Variants in GDAP2 observed in about 807,000 individuals in gnomAD.
GDAP2 encodes ganglioside induced differentiation associated protein 2, also known as ganglioside-induced differentiation-associated protein 2.
In GDAP2, 51 loss-of-function variants were observed where a neutral mutation model predicts 67.0. The observed-to-expected ratio is 0.76, with a 90% CI of 0.61 to 0.96. The LOEUF (loss-of-function observed/expected upper bound fraction) is 0.96. Among genes scored for constraint, GDAP2 ranks in the 40% least tolerant of loss-of-function variants. GDAP2 has a pLI of 0.00. For synonymous variants in GDAP2, 203 were observed against 207.3 expected (o/e 0.98, Z 0.18); for missense variants, 547 against 588.3 (o/e 0.93, Z 0.73).
chr1:117,920,609 T>C (rs1018975443), intron 1 of GDAP2, among the ~76,000 whole-genome samples, 185 bp from the exon 2 acceptor site: 2 of 152,022 alleles, frequency 1.3e-5, no homozygotes, highest in African/African-American at 4.8e-5. Context: ...TAAAACAGGA[T>C]TAAAGAGTGA....
In GDAP2 at chr1:117,878,017, C is replaced by G; in HGVS notation, c.1438G>C (p.Asp480His). 1 of 1,612,942 alleles carries G rather than the reference C, an allele frequency of 6.2e-7. No homozygotes were observed. The change falls in exon 13 of 14, where the codon GAT (aspartate) becomes CAT (histidine). Residue 480 changes from aspartate to histidine, a missense_variant. Physicochemically the swap from Asp to His is moderately conservative, Grantham distance 81 (BLOSUM62 -1). Transcript: ENST00000369443. ...IDFPPFVLEY[D>H]ARENGPYYTS... ...CTTCTGGTACTTCTTACCCTGGCAT[C>G]ATATTCAAGGACAAAAGGAGGAAAG...
At chr1:117,880,591 C>T (rs200577983) in intron 12 of GDAP2, among the ~76,000 whole-genome samples, 54 of 152,168 alleles carry the variant, frequency 3.5e-4, no homozygotes, top group African/African-American at 1.1e-3. Context: ...TCCAGCAAAG[C>T]GGGAGAGGAG....
intron 5 of GDAP2, among the ~76,000 whole-genome samples, chr1:117,910,875 A>G (rs575734478): frequency 1.6e-4 from 24 of 152,302 alleles, no homozygotes; most frequent in Middle Eastern, 3.4e-3. Flanking sequence ...CTTATCTACA[A>G]TCCTGATGAG....
chr1:117,903,193 T>G (rs1244769240), intron 6 of GDAP2, among the ~76,000 whole-genome samples: 1 of 152,136 alleles, frequency 6.6e-6, no homozygotes, highest in Admixed American at 6.5e-5. Context: ...CTCTTTAGGA[T>G]TTTTGATAAG....
intron 1 of GDAP2, among the ~76,000 whole-genome samples, chr1:117,923,809 A>T (rs916278974): frequency 1.3e-5 from 2 of 152,222 alleles, no homozygotes; most frequent in African/African-American, 4.8e-5. Context: ...ATATACTCAT[A>T]TAGCCTTTTC....
intron 5 of GDAP2, among the ~76,000 whole-genome samples, chr1:117,908,580 T>G (rs1216908178): frequency 6.6e-6 from 1 of 152,152 alleles, no homozygotes; most frequent in African/African-American, 2.4e-5. Context: ...CCCAGCACTT[T>G]GGGAGGTGAG....
At chr1:117,888,688 A>G (rs1203687408) in intron 8 of GDAP2, among the ~76,000 whole-genome samples, 2 of 152,148 alleles carry the variant, frequency 1.3e-5, no homozygotes, top group Non-Finnish European at 2.9e-5. Flanking sequence ...TCTAAATCAT[A>G]TATGGCAATA....
At chr1:117,878,827 A>T (rs1216340368) in intron 12 of GDAP2, among the ~76,000 whole-genome samples, 1 of 152,226 alleles carries the variant, frequency 6.6e-6, no homozygotes, top group Admixed American at 6.5e-5. Context: ...TGAATTTAAA[A>T]ATTACTGTTT....
At chr1:117,882,292 ATC>A (rs1008769319) in intron 11 of GDAP2, among the ~76,000 whole-genome samples, 2 of 152,124 alleles carry the variant, frequency 1.3e-5, no homozygotes, top group African/African-American at 4.8e-5. Context: ...TGTTGTAACA[ATC>A]TGTTATAATA....
chr1:117,920,269 G>C lies in GDAP2; in HGVS notation c.89C>G (p.Ser30Cys). Residue 30 changes from serine (S) to cysteine (C), a missense_variant, in exon 2 of 14, where the codon TCT becomes TGT. Coordinates refer to ENST00000369443, the MANE Select transcript of GDAP2 (RefSeq NM_017686.4). ...CTGAAATATTTCAGCTGTAGTATCA[G>C]AGGAATTTAATTCATCTTGGCATGA... is the stretch of plus-strand genomic sequence containing the variant. ...GDSCQDELNS[S>C]DTTAEIFQED... 6.2e-7 allele frequency: 1 copy of C among 1,607,324 alleles called. No individual in the cohort carries two copies. Among genetic ancestry groups the C allele is most frequent in the Non-Finnish European group, 8.5e-7 (1 of 1,174,040 alleles).
chr1:117,917,160 C>A (rs1650077668), intron 3 of GDAP2, among the ~76,000 whole-genome samples: 1 of 151,970 alleles, frequency 6.6e-6, no homozygotes, highest in South Asian at 2.1e-4. Flanking sequence ...CTTTAATATT[C>A]ATCTCTGTTA....
chr1:117,914,213 G>A (rs1649966317), intron 3 of GDAP2, among the ~76,000 whole-genome samples: 1 of 152,022 alleles, frequency 6.6e-6, no homozygotes, highest in African/African-American at 2.4e-5. Context: ...TAAAAGGGGA[G>A]ACTAAACACA....
chr1:117,896,764 T>A, intron 8 of GDAP2, 69 bp downstream of exon 8: 3 of 1,008,934 alleles, frequency 3.0e-6, no homozygotes, highest in South Asian at 3.4e-5. Flanking sequence ...AGCTCATGCA[T>A]CAGATGCAAG....
At chr1:117,912,177 C>A in intron 4 of GDAP2, 95 bp from the exon 5 acceptor site, 1 of 747,142 alleles carries the variant, frequency 1.3e-6, no homozygotes, top group Non-Finnish European at 2.4e-6. Context: ...CTCAACTTCT[C>A]CTTTCCTCCC....
chr1:117,917,763 G>A (rs1650100256), intron 3 of GDAP2, among the ~76,000 whole-genome samples: 1 of 152,146 alleles, frequency 6.6e-6, no homozygotes, highest in Non-Finnish European at 1.5e-5. Flanking sequence ...GCTCTTATGT[G>A]TATGTAAGCA....
intron 12 of GDAP2, among the ~76,000 whole-genome samples, chr1:117,878,444 T>C (rs1390786444): frequency 2.0e-5 from 3 of 152,200 alleles, no homozygotes; most frequent in Non-Finnish European, 4.4e-5. Flanking sequence ...AGTGTGTTAG[T>C]GCTGTACTAC....
Position 117,899,158 on chromosome 1 carries a change from C to A in GDAP2, c.695G>T (p.Arg232Leu), listed in dbSNP as rs1253372023. Reference sequence around the variant, plus strand: ...ATCTGCAGGTAGGTAGGGCAATGATCGATTCTCCTCTTTTAATGACCTTGG... The same window carrying A: ...ATCTGCAGGTAGGTAGGGCAATGATAGATTCTCCTCTTTTAATGACCTTGG... ...YFPRSLKEEN[R>L]SLPYLPADIG... Residue 232 changes from arginine to leucine, a missense_variant, in exon 7 of 14, where the codon CGA becomes CTA. Transcript: ENST00000369443. 2 of 1,610,538 alleles carry A rather than the reference C, an allele frequency of 1.2e-6. No homozygotes were observed. The highest frequency in any genetic ancestry group is 1.7e-6 in the Non-Finnish European group (2 of 1,176,838).
At chr1:117,890,356 C>T (rs1340545883) in intron 8 of GDAP2, among the ~76,000 whole-genome samples, 1 of 152,060 alleles carries the variant, frequency 6.6e-6, no homozygotes, top group Non-Finnish European at 1.5e-5. Context: ...GACAATATGT[C>T]ATATTTGTCT....
intron 13 of GDAP2, among the ~76,000 whole-genome samples, chr1:117,871,852 A>C (rs896252835): frequency 6.6e-6 from 1 of 152,202 alleles, no homozygotes; most frequent in African/African-American, 2.4e-5. Context: ...AATTGGATCT[A>C]ACTAAAGAGC....
Sources: gnomAD v4.1 joint callset for allele counts (sites outside exome capture counted in the v4.1 genomes callset) on GRCh38, gnomAD v4.1.1 for gene constraint, MANE v1.5 for transcripts, NCBI Gene and HGNC (gene_info 2026-07-23, HGNC 2026-07-21) for gene names.